Variants in ZMYND8 observed in about 807,000 individuals in gnomAD.
ZMYND8 encodes zinc finger MYND-type containing 8.
In ZMYND8, 37 loss-of-function variants were observed where a neutral mutation model predicts 140.8. The observed-to-expected ratio is 0.26, with a 90% CI of 0.20 to 0.35. The LOEUF (loss-of-function observed/expected upper bound fraction) is 0.35, where lower values mean the gene tolerates loss of function less well. Among genes scored for constraint, ZMYND8 ranks in the 10% least tolerant of loss-of-function variants. ZMYND8 has a pLI of 1.00. For missense variants in ZMYND8, 1,068 were observed against 1,570.0 expected, an observed-to-expected ratio of 0.68 and a Z score of 5.40; for synonymous variants, 592 against 597.1, an observed-to-expected ratio of 0.99 and a Z score of 0.12.
intron 21 of ZMYND8, 133 bp downstream of exon 21, chr20:47,220,125 C>G: frequency 1.3e-6 from 1 of 764,790 alleles, no homozygotes; most frequent in Non-Finnish European, 2.1e-6. Flanking sequence ...TGACCCACCC[C>G]AGGCACCCCT....
intron 2 of ZMYND8, among the ~76,000 whole-genome samples, chr20:47,323,060 G>A (rs140736190): frequency 1.3e-5 from 2 of 152,132 alleles, no homozygotes; most frequent in South Asian, 2.1e-4. Context: ...CATTCAGTTG[G>A]AACTATTAGG....
chr20:47,222,431 G>C (rs1200695047), intron 19 of ZMYND8, among the ~76,000 whole-genome samples: 3 of 152,206 alleles, frequency 2.0e-5, no homozygotes, highest in Non-Finnish European at 4.4e-5. Flanking sequence ...AGCTACTAGG[G>C]AGGCTGAGGA....
At chr20:47,314,607 C>T (rs2079226280) in intron 2 of ZMYND8, among the ~76,000 whole-genome samples, 1 of 152,180 alleles carries the variant, frequency 6.6e-6, no homozygotes, top group Admixed American at 6.5e-5. Flanking sequence ...TAAGTCCTCC[C>T]GAAGACTGGG....
At chr20:47,317,364 G>A (rs979895591) in intron 2 of ZMYND8, among the ~76,000 whole-genome samples, 1 of 152,052 alleles carries the variant, frequency 6.6e-6, no homozygotes, top group Non-Finnish European at 1.5e-5. Flanking sequence ...TCAAGGCTAG[G>A]CCTCCCCAGC....
At chr20:47,354,841 T>G (rs889871387) in intron 1 of ZMYND8, among the ~76,000 whole-genome samples, 6 of 152,112 alleles carry the variant, frequency 3.9e-5, no homozygotes, top group African/African-American at 1.4e-4. Context: ...GCTGCAGCCT[T>G]AAGTGGTCAA....
At chr20:47,249,557 CT>C in intron 12 of ZMYND8, 118 bp from the exon 13 acceptor site, 15 of 1,384,376 alleles carry the variant, frequency 1.1e-5, no homozygotes, top group South Asian at 1.5e-5. Context: ...GGGGGAGATA[CT>C]TTTTTTGTCA....
chr20:47,216,717 G>C (rs1170468369), intron 21 of ZMYND8, among the ~76,000 whole-genome samples: 1 of 151,978 alleles, frequency 6.6e-6, no homozygotes, highest in Non-Finnish European at 1.5e-5. Flanking sequence ...TGAGGCAGGA[G>C]AATCACTTGA....
At chr20:47,237,129 G>A (rs2039338578) in intron 15 of ZMYND8, among the ~76,000 whole-genome samples, 1 of 151,184 alleles carries the variant, frequency 6.6e-6, no homozygotes, top group Non-Finnish European at 1.5e-5. Context: ...CTGAAGCAAT[G>A]AGCCACTTTT....
At chr20:47,277,214 G>A (rs1467943447) in intron 10 of ZMYND8, among the ~76,000 whole-genome samples, 1 of 152,212 alleles carries the variant, frequency 6.6e-6, no homozygotes, top group Non-Finnish European at 1.5e-5. Flanking sequence ...GGAAACTTTG[G>A]AATACTGCAT....
chr20:47,313,606 AGGG>A (rs1211244664), intron 2 of ZMYND8, among the ~76,000 whole-genome samples: 1 of 151,296 alleles, frequency 6.6e-6, no homozygotes, highest in East Asian at 2.0e-4. Context: ...TGGGCAACAG[AGGG>A]GTGAGACTCC....
intron 2 of ZMYND8, among the ~76,000 whole-genome samples, chr20:47,317,962 T>C (rs2079549217): frequency 6.6e-6 from 1 of 152,232 alleles, no homozygotes; most frequent in South Asian, 2.1e-4. Context: ...ACCTGGCAAA[T>C]AGTAAGCACC....
chr20:47,341,707 A>G (rs1452077967), intron 2 of ZMYND8, among the ~76,000 whole-genome samples: 1 of 152,018 alleles, frequency 6.6e-6, no homozygotes, highest in East Asian at 1.9e-4. Context: ...CATCTCTACT[A>G]AAAATACAAA....
At chr20:47,233,576 TCAG>T (rs1194636355) in intron 16 of ZMYND8, among the ~76,000 whole-genome samples, 6 of 152,268 alleles carry the variant, frequency 3.9e-5, no homozygotes, top group Admixed American at 1.3e-4. Flanking sequence ...ACATTTGTGG[TCAG>T]CAGGCTTGTT....
chr20:47,255,678 T>C (rs1392726664), intron 12 of ZMYND8, among the ~76,000 whole-genome samples: 1 of 111,318 alleles, frequency 9.0e-6, no homozygotes, highest in Non-Finnish European at 1.7e-5. Flanking sequence ...ATATGGTGTA[T>C]GTGTGTGTGT....
intron 21 of ZMYND8, among the ~76,000 whole-genome samples, chr20:47,218,577 C>G (rs1279359460): frequency 6.6e-6 from 1 of 152,156 alleles, no homozygotes; most frequent in African/African-American, 2.4e-5. Context: ...ATTAAAAGTT[C>G]TAGGGTGGGG....
At chr20:47,221,233 C>A in intron 20 of ZMYND8, 81 bp downstream of exon 20, 1 of 1,551,210 alleles carries the variant, frequency 6.4e-7, no homozygotes, top group Non-Finnish European at 8.7e-7. Flanking sequence ...ACGGAACTTT[C>A]AGGGCGGCAG....
intron 1 of ZMYND8, chr20:47,354,623 G>T (rs930421234): frequency 6.6e-6 from 1 of 152,002 alleles, no homozygotes; most frequent in Non-Finnish European, 1.5e-5. Context: ...TTTCCAATTC[G>T]GTGTCAGAAA....
chr20:47,262,230 C>T, intron 12 of ZMYND8, 58 bp downstream of exon 12: 1 of 1,612,170 alleles, frequency 6.2e-7, no homozygotes, highest in East Asian at 2.2e-5. Context: ...GAGGATACGT[C>T]ATTTGCAAAA....
chr20:47,239,211 A>G, intron 14 of ZMYND8, 73 bp from the exon 15 acceptor site: 1 of 1,449,700 alleles, frequency 6.9e-7, no homozygotes, highest in Non-Finnish European at 9.0e-7. Flanking sequence ...TCTTGACGCC[A>G]CCAAGTTCTG....
Sources: gnomAD v4.1 joint callset for allele counts (sites outside exome capture counted in the v4.1 genomes callset) on GRCh38, gnomAD v4.1.1 for gene constraint, MANE v1.5 for transcripts, NCBI Gene and HGNC (gene_info 2026-07-23, HGNC 2026-07-21) for gene names.